CSF2RA: variants seen among roughly 807,000 people sequenced by gnomAD.
The protein encoded by CSF2RA is colony stimulating factor 2 receptor subunit alpha.
CSF2RA carries 42 observed loss-of-function variants against 51.6 expected under a neutral mutation model. That is an observed-to-expected ratio of 0.81 (90% confidence interval 0.64 to 1.05). CSF2RA has a LOEUF of 1.05. Among genes scored for constraint, CSF2RA ranks in the 50% least tolerant of loss-of-function variants. The pLI is 0.00. For missense variants in CSF2RA, 530 were observed against 501.1 expected (o/e 1.06, Z -0.55); for synonymous variants, 222 against 193.0 (o/e 1.15, Z -1.24).
downstream of CSF2RA, among the ~76,000 whole-genome samples, chrX:1,314,415 TACTGCACCTGCCCAACCGC>T (rs1240877826): frequency 7.0e-3 from 204 of 29,024 alleles, 2 homozygotes; most frequent in African/African-American, 0.033. Flanking sequence ...TGCCTAACCG[TACTGCACCTGCCCAACCGC>T]ACTGCACTTG....
chrX:1,291,582 T>C (rs1285945816), intron 7 of CSF2RA, among the ~76,000 whole-genome samples: 1 of 151,980 alleles, frequency 6.6e-6, no homozygotes, highest in African/African-American at 2.4e-5. Flanking sequence ...CTTCATCCCG[T>C]TGGACGTTCC....
At chrX:1,274,723 T>C in intron 1 of CSF2RA, 32 bp from the exon 2 acceptor site, 1 of 452,738 alleles carries the variant, frequency 2.2e-6, no homozygotes, top group Non-Finnish European at 4.4e-6. Context: ...TTTCATGATT[T>C]TGGGGTCCTG....
chrX:1,316,152 G>A, the CSF2RA span, among the ~76,000 whole-genome samples: 2 of 151,862 alleles, frequency 1.3e-5, no homozygotes, highest in African/African-American at 4.8e-5. Flanking sequence ...TGATAGATTA[G>A]ATAGATGATA....
intron 6 of CSF2RA, chrX:1,289,119 A>G: frequency 1.7e-6 from 1 of 577,060 alleles, no homozygotes; most frequent in South Asian, 2.0e-5. Context: ...CCGCCACCAC[A>G]CCAGGCCACA....
At chrX:1,309,966 T>G, downstream of CSF2RA, 1 of 515,638 alleles carries the variant, frequency 1.9e-6, no homozygotes, top group South Asian at 3.2e-5. Flanking sequence ...TCCTAACACT[T>G]TGGAGGATTG....
chrX:1,314,313 C>A (rs1226678957), downstream of CSF2RA, among the ~76,000 whole-genome samples: 1 of 114,712 alleles, frequency 8.7e-6, no homozygotes, highest in Non-Finnish European at 2.0e-5. Context: ...CTGTGCCTGC[C>A]CAACCACACT....
At chrX:1,273,923 T>G (rs28469584) in intron 1 of CSF2RA, among the ~76,000 whole-genome samples, 44,435 of 151,532 alleles carry the variant, frequency 0.29, 7,461 homozygotes, top group African/African-American at 0.47. Flanking sequence ...TTAAAAATCC[T>G]TGTTATACCG....
At chrX:1,282,840 G>A (rs2090201131) in intron 3 of CSF2RA, 61 bp downstream of exon 3, 1 of 1,383,686 alleles carries the variant, frequency 7.2e-7, no homozygotes, top group African/African-American at 1.4e-5. Flanking sequence ...CCTGCATCTG[G>A]AGACCCATCT....
At position 1,309,574 on chromosome X, in the gene CSF2RA, C is replaced by A; in HGVS notation, c.*95C>A. 6.2e-7 allele frequency: 1 copy of A among 1,613,902 alleles called. No homozygotes were observed. The highest frequency in any genetic ancestry group is 8.5e-7 in the Non-Finnish European group (1 of 1,179,834). On this transcript the variant is annotated 3_prime_UTR_variant, in exon 13 of 13. Coordinates refer to ENST00000381529, the MANE Select transcript of CSF2RA (RefSeq NM_172245.4). Reference sequence around the variant, plus strand: ...ATGCTGTGAACCTTTATATCATTTTCTATGTTTTTATTTAAAAACATGACA... The same window carrying A: ...ATGCTGTGAACCTTTATATCATTTTATATGTTTTTATTTAAAAACATGACA...
intron 12 of CSF2RA, among the ~76,000 whole-genome samples, chrX:1,306,847 G>A (rs1182600419): frequency 3.4e-5 from 5 of 147,482 alleles, no homozygotes; most frequent in Admixed American, 6.8e-5. Flanking sequence ...AGAGACATAG[G>A]TGGACACAGA....
chrX:1,280,536 A>G (rs1285257745), intron 2 of CSF2RA, among the ~76,000 whole-genome samples: 1 of 151,516 alleles, frequency 6.6e-6, no homozygotes, highest in Admixed American at 6.6e-5. Flanking sequence ...TAAAGGCGGG[A>G]CAACTCAAAG....
At chrX:1,295,477 T>C (rs763058683) in intron 9 of CSF2RA, 21 bp downstream of exon 9, 1 of 1,613,262 alleles carries the variant, frequency 6.2e-7, no homozygotes, top group Admixed American at 1.7e-5. Flanking sequence ...CCACAGACCC[T>C]ACTGACAACC....
chrX:1,314,341 C>G (rs1476384523), downstream of CSF2RA, among the ~76,000 whole-genome samples: 1 of 137,006 alleles, frequency 7.3e-6, no homozygotes, highest in African/African-American at 2.8e-5. Flanking sequence ...CCCAACCCCA[C>G]TGCGCCTGCC....
intron 1 of CSF2RA, among the ~76,000 whole-genome samples, chrX:1,271,863 C>T (rs1238616898): frequency 5.9e-5 from 9 of 152,004 alleles, no homozygotes; most frequent in African/African-American, 1.7e-4. Context: ...AAGCTCTTCT[C>T]GAGGGCTGAA....
chrX:1,273,433 G>A (rs1467824176), intron 1 of CSF2RA, among the ~76,000 whole-genome samples: 2 of 151,828 alleles, frequency 1.3e-5, no homozygotes, highest in East Asian at 3.9e-4. Context: ...TGCCTCCTCA[G>A]CCTTCCAAAT....
chrX:1,312,924 G>T (rs1474424212), downstream of CSF2RA, among the ~76,000 whole-genome samples: 2 of 152,092 alleles, frequency 1.3e-5, no homozygotes, highest in Non-Finnish European at 2.9e-5. Context: ...CCAGGCTCTT[G>T]GTGGGGAGAA....
Position 1,286,799 on chromosome X carries a change from A to G in CSF2RA, c.219+879A>G, listed in dbSNP as rs748033126. ...GAGAAATCCTGGCAAATGCAGTTGG[A>G]TGTGCCCCTGGGTCTGTGGTGGAAG... On this transcript the variant is annotated intron_variant, in intron 4 of 12. Coordinates refer to ENST00000381529, the MANE Select transcript of CSF2RA (RefSeq NM_172245.4). Among the ~76,000 whole-genome samples, 7 of 152,230 alleles carry G rather than the reference A, an allele frequency of 4.6e-5. No individual in the cohort carries two copies. The South Asian group carries it at 1.0e-3, about 23-fold the overall frequency.
At position 1,304,273 on chromosome X, in the gene CSF2RA, G is replaced by A. The variant is rs1193638825; in HGVS notation, c.1043+254G>A. The stretch of plus-strand genomic sequence containing the variant: ...AAATTAGCCCGGCGTGGTCGCGGGC[G>A]CCTGTAGTCCCAGCTACTCGGGAGG... On this transcript the variant is annotated intron_variant, in intron 11 of 12. Transcript: ENST00000381529. Among the ~76,000 whole-genome samples the A allele has an allele frequency of 4.8e-5, 4 of 82,748 alleles. 1 individual carries two copies. The highest frequency in any genetic ancestry group is 1.3e-4 in the African/African-American group (2 of 15,974). 54.3% of individuals were successfully genotyped at this position (82,748 alleles called of 152,430 possible).
intron 2 of CSF2RA, among the ~76,000 whole-genome samples, chrX:1,281,035 T>TCC (rs1569494594): frequency 1.3e-4 from 9 of 70,092 alleles, no homozygotes; most frequent in Non-Finnish European, 1.9e-4. Flanking sequence ...CTCCTCCTCC[T>TCC]CATTCTCCTC....
Sources: gnomAD v4.1 joint callset for allele counts (sites outside exome capture counted in the v4.1 genomes callset) on GRCh38, gnomAD v4.1.1 for gene constraint, MANE v1.5 for transcripts, NCBI Gene and HGNC (gene_info 2026-07-23, HGNC 2026-07-21) for gene names.